The following EFCAB6 variants were observed in gnomAD, a reference collection of about 807,000 sequenced individuals.
The protein encoded by EFCAB6 is EF-hand calcium binding domain 6.
In EFCAB6, 156 loss-of-function variants were observed where a neutral mutation model predicts 169.8. The observed-to-expected ratio is 0.92, with a 90% CI of 0.81 to 1.05. The LOEUF is 1.05. Ranked by LOEUF, EFCAB6 falls within the 50% of genes least tolerant of loss-of-function variation. The pLI is 0.00. For missense variants in EFCAB6, 1,800 were observed against 1,829.1 expected, an observed-to-expected ratio of 0.98 and a Z score of 0.29; for synonymous variants, 698 against 676.4, an observed-to-expected ratio of 1.03 and a Z score of -0.50.
intron 2 of EFCAB6, among the ~76,000 whole-genome samples, chr22:43,801,161 G>A (rs553654744): frequency 2.4e-4 from 36 of 152,254 alleles, no homozygotes; most frequent in African/African-American, 8.4e-4. Context: ...TAGCCAGGAG[G>A]GAAGGGAACA....
intron 17 of EFCAB6, among the ~76,000 whole-genome samples, chr22:43,647,165 T>A (rs1241787065): frequency 1.0e-5 from 1 of 97,676 alleles, no homozygotes; most frequent in Non-Finnish European, 1.9e-5. Context: ...AAAATTCTTG[T>A]AAGAAAGTCT....
At chr22:43,532,569 CT>C (rs2146985283) in intron 30 of EFCAB6, among the ~76,000 whole-genome samples, 1 of 149,318 alleles carries the variant, frequency 6.7e-6, no homozygotes, top group African/African-American at 2.4e-5. Flanking sequence ...GCTGGCAGAA[CT>C]GTCTAAAGTC....
At chr22:43,694,392 A>G (rs1176847833) in intron 10 of EFCAB6, among the ~76,000 whole-genome samples, 3 of 152,150 alleles carry the variant, frequency 2.0e-5, no homozygotes, top group Non-Finnish European at 2.9e-5. Context: ...CATTTAAAGA[A>G]TATAAATAAC....
Position 43,650,977 on chromosome 22 carries a change from G to A in EFCAB6, c.1984-15761C>T, listed in dbSNP as rs191246034. Among the ~76,000 whole-genome samples the A allele has an allele frequency of 4.6e-3, 700 of 152,046 alleles. 1 individual carries two copies. The highest frequency in any genetic ancestry group is 7.1e-3 in the Non-Finnish European group (483 of 67,970). On this transcript the variant is annotated intron_variant, in intron 17 of 31. Transcript: ENST00000262726. ...GTTAAAAGCATTCAGTTTTATGAGG[G>A]AAGCAGAGTATAAAACTTCAGAAAA...
intron 23 of EFCAB6, among the ~76,000 whole-genome samples, chr22:43,594,583 T>C (rs2051851856): frequency 6.6e-6 from 1 of 152,188 alleles, no homozygotes; most frequent in African/African-American, 2.4e-5. Flanking sequence ...AGCAACAGGA[T>C]ATAACAATAG....
intron 2 of EFCAB6, among the ~76,000 whole-genome samples, chr22:43,783,621 C>T (rs934598527): frequency 5.9e-5 from 9 of 152,144 alleles, no homozygotes; most frequent in African/African-American, 1.9e-4. Context: ...ACCAATCAGA[C>T]TCTAGTGGCC....
chr22:43,544,227 C>T (rs967943780), intron 27 of EFCAB6, among the ~76,000 whole-genome samples: 1 of 152,058 alleles, frequency 6.6e-6, no homozygotes, highest in Admixed American at 6.5e-5. Context: ...CCACTATGGT[C>T]CCCTCACTCT....
chr22:43,689,287 G>C (rs1228191518), intron 10 of EFCAB6, among the ~76,000 whole-genome samples: 1 of 151,902 alleles, frequency 6.6e-6, no homozygotes, highest in African/African-American at 2.4e-5. Context: ...ACTGCTGAGA[G>C]TTTCATGGGG....
intron 17 of EFCAB6, among the ~76,000 whole-genome samples, chr22:43,656,428 G>A (rs1331212589): frequency 6.6e-6 from 1 of 151,978 alleles, no homozygotes; most frequent in Non-Finnish European, 1.5e-5. Context: ...AAACAATGTG[G>A]TAAGGATATA....
At chr22:43,760,021 A>G (rs2061098818) in intron 5 of EFCAB6, 1 of 152,280 alleles carries the variant, frequency 6.6e-6, no homozygotes, top group African/African-American at 2.4e-5. Context: ...CCTGGCCAAC[A>G]TGGCAAAACC....
At chr22:43,627,437 G>T (rs975904189) in intron 19 of EFCAB6, among the ~76,000 whole-genome samples, 1 of 152,148 alleles carries the variant, frequency 6.6e-6, no homozygotes, top group Non-Finnish European at 1.5e-5. Context: ...TGTAAAATGG[G>T]GACTATGACA....
intron 6 of EFCAB6, among the ~76,000 whole-genome samples, chr22:43,737,188 C>T (rs544651230): frequency 1.3e-5 from 2 of 152,114 alleles, no homozygotes; most frequent in African/African-American, 2.4e-5. Context: ...CTCCCTGGCT[C>T]TCCTAACTTG....
chr22:43,670,412 T>C (rs1408808767), intron 15 of EFCAB6, among the ~76,000 whole-genome samples: 1 of 152,192 alleles, frequency 6.6e-6, no homozygotes, highest in Non-Finnish European at 1.5e-5. Context: ...TTTCCTTATC[T>C]ATGAAATGCA....
At chr22:43,571,199 A>C (rs1049541089) in intron 26 of EFCAB6, among the ~76,000 whole-genome samples, 1 of 152,212 alleles carries the variant, frequency 6.6e-6, no homozygotes, top group African/African-American at 2.4e-5. Context: ...ATGGATTATG[A>C]GTAGGTGTAA....
intron 2 of EFCAB6, among the ~76,000 whole-genome samples, chr22:43,787,421 A>C (rs963394468): frequency 1.3e-5 from 2 of 152,098 alleles, no homozygotes; most frequent in Admixed American, 6.6e-5. Flanking sequence ...AGGTTGTAGG[A>C]TACAAGATCA....
chr22:43,643,834 T>A (rs938679728), intron 17 of EFCAB6, among the ~76,000 whole-genome samples: 1 of 152,060 alleles, frequency 6.6e-6, no homozygotes, highest in African/African-American at 2.4e-5. Flanking sequence ...TGTTCTTTTT[T>A]TTTTTTTGAG....
At chr22:43,538,173 G>A (rs2047492766) in intron 28 of EFCAB6, among the ~76,000 whole-genome samples, 1 of 151,970 alleles carries the variant, frequency 6.6e-6, no homozygotes, top group Non-Finnish European at 1.5e-5. Context: ...TTGATAATTA[G>A]GTCCTTCTTC....
intron 20 of EFCAB6, among the ~76,000 whole-genome samples, chr22:43,621,881 T>TA: frequency 6.6e-6 from 1 of 152,264 alleles, no homozygotes; most frequent in Non-Finnish European, 1.5e-5. Context: ...ACAGATACTT[T>TA]AAAAAAATTA....
intron 17 of EFCAB6, among the ~76,000 whole-genome samples, chr22:43,658,655 A>G (rs2056863463): frequency 1.3e-5 from 2 of 152,272 alleles, no homozygotes; most frequent in Admixed American, 1.3e-4. Context: ...GCCCTCAGGG[A>G]ACGTGCCCTT....
Sources: gnomAD v4.1 joint callset for allele counts (sites outside exome capture counted in the v4.1 genomes callset) on GRCh38, gnomAD v4.1.1 for gene constraint, MANE v1.5 for transcripts, NCBI Gene and HGNC (gene_info 2026-07-23, HGNC 2026-07-21) for gene names.